Variants in ULK4 observed in about 807,000 individuals in gnomAD.
ULK4 encodes unc-51 like kinase 4, also known as inactive serine/threonine-protein kinase ULK4.
ULK4 carries 133 observed loss-of-function variants against 160.6 expected under a neutral mutation model. The ratio of observed to expected loss-of-function variants is 0.83; its 90% CI spans 0.72 to 0.96. ULK4 has a LOEUF of 0.96. ULK4 is among the 40% of genes least tolerant of loss of function. The pLI is 0.00. For missense variants in ULK4, 1,580 were observed against 1,499.5 expected (o/e 1.05, Z -0.89); for synonymous variants, 534 against 539.8 (o/e 0.99, Z 0.15).
At chr3:41,394,793 T>C (rs2082022636) in intron 35 of ULK4, among the ~76,000 whole-genome samples, 1 of 152,086 alleles carries the variant, frequency 6.6e-6, no homozygotes, top group Non-Finnish European at 1.5e-5. Flanking sequence ...TCTGATTGTA[T>C]GTTTTATATG....
Position 41,717,975 on chromosome 3 carries a change from C to T in ULK4, c.2322-114G>A, listed in dbSNP as rs551233990. ...GAGGGCACCCTCCCAATCATATTGA[C>T]GTTTAGATTTGTAGCAACTTGTCGG... On this transcript the variant is annotated intron_variant, in intron 22 of 36. Coordinates refer to ENST00000301831, the MANE Select transcript of ULK4 (RefSeq NM_017886.4). 3.8e-4 allele frequency: 472 copies of T among 1,254,554 alleles called. 1 individual carries two copies. Among genetic ancestry groups the T allele is most frequent in the Admixed American group, 6.7e-4 (30 of 44,658 alleles). The allele number at this position is 1,254,554 out of a possible 1,614,324, so 77.7% of individuals were successfully genotyped here.
chr3:41,798,383 T>C (rs1203965121), intron 20 of ULK4, among the ~76,000 whole-genome samples: 1 of 152,208 alleles, frequency 6.6e-6, no homozygotes, highest in Non-Finnish European at 1.5e-5. Flanking sequence ...CCTGTAATTA[T>C]TAATACCATA....
At chr3:41,628,840 T>C (rs1417545585) in intron 30 of ULK4, among the ~76,000 whole-genome samples, 1 of 152,220 alleles carries the variant, frequency 6.6e-6, no homozygotes, top group Non-Finnish European at 1.5e-5. Flanking sequence ...TTTGTACTAC[T>C]TTGACTCTGT....
chr3:41,637,253 CA>C (rs2033995871), intron 30 of ULK4, among the ~76,000 whole-genome samples: 1 of 152,164 alleles, frequency 6.6e-6, no homozygotes, highest in Non-Finnish European at 1.5e-5. Flanking sequence ...ACTTCTGAGT[CA>C]AAATTTTTAC....
intron 2 of ULK4, among the ~76,000 whole-genome samples, chr3:41,944,512 C>A (rs1023510685): frequency 8.5e-5 from 13 of 152,158 alleles, no homozygotes; most frequent in African/African-American, 3.1e-4. Context: ...CCTCCTGTCT[C>A]CATCCAGTTA....
At chr3:41,345,577 G>A (rs1247430375) in intron 35 of ULK4, among the ~76,000 whole-genome samples, 1 of 152,150 alleles carries the variant, frequency 6.6e-6, no homozygotes, top group Non-Finnish European at 1.5e-5. Flanking sequence ...TGAATGATGA[G>A]AACATATGGA....
chr3:41,858,911 G>A lies in ULK4; in HGVS notation c.1657-22940C>T, dbSNP rs969782749. ...ATACAGTAAGGTGTAATTCTGTTGAGACAGCTCTTCCCTCTGAAAATGCTC... is the reference window on the plus strand; with the variant it reads ...ATACAGTAAGGTGTAATTCTGTTGAAACAGCTCTTCCCTCTGAAAATGCTC... On this transcript the variant is annotated intron_variant, in intron 17 of 36. Coordinates refer to ENST00000301831, the MANE Select transcript of ULK4 (RefSeq NM_017886.4). 5.3e-5 allele frequency among the ~76,000 whole-genome samples: 8 copies of A among 152,188 alleles called. No individual in the cohort carries two copies. The South Asian group carries it at 1.7e-3, about 32-fold the overall frequency.
At chr3:41,916,942 AG>A (rs1190323638) in intron 7 of ULK4, among the ~76,000 whole-genome samples, 1 of 152,062 alleles carries the variant, frequency 6.6e-6, no homozygotes, top group Non-Finnish European at 1.5e-5. Flanking sequence ...TCTTGACCTC[AG>A]GTGATCCACC....
chr3:41,326,872 G>A lies in ULK4; in HGVS notation c.3678+71207C>T, dbSNP rs536080364. 9.3e-4 allele frequency among the ~76,000 whole-genome samples: 142 copies of A among 152,276 alleles called. 3 individuals carry two copies. The South Asian group carries it at 0.028, about 30-fold the overall frequency. On this transcript the variant is annotated intron_variant, in intron 35 of 36. Transcript: ENST00000301831. Reference sequence around the variant, plus strand: ...AGCAATCAGAGGGACCCCCGACTCAGCAGCCAGATTCCCTTTTCATCCCAT... The same window carrying A: ...AGCAATCAGAGGGACCCCCGACTCAACAGCCAGATTCCCTTTTCATCCCAT...
At chr3:41,787,837 G>A (rs1253242890) in intron 21 of ULK4, among the ~76,000 whole-genome samples, 6 of 152,078 alleles carry the variant, frequency 3.9e-5, no homozygotes, top group Non-Finnish European at 8.8e-5. Context: ...TGGAATAGTA[G>A]TTATATATGA....
At chr3:41,893,358 T>C (rs1340562045) in intron 16 of ULK4, among the ~76,000 whole-genome samples, 14 of 152,214 alleles carry the variant, frequency 9.2e-5, no homozygotes, top group Admixed American at 9.2e-4. Context: ...TATATGTGAA[T>C]TATACCTCAA....
intron 32 of ULK4, among the ~76,000 whole-genome samples, chr3:41,468,596 A>G (rs74518340): frequency 0.02 from 3,077 of 152,298 alleles, 110 homozygotes; most frequent in African/African-American, 0.071. Context: ...AAATCCTCCA[A>G]AATTGGGAAT....
chr3:41,283,965 AAAATAAAT>A (rs58834032), intron 35 of ULK4, among the ~76,000 whole-genome samples: 1 of 150,330 alleles, frequency 6.7e-6, no homozygotes, highest in African/African-American at 2.5e-5. Flanking sequence ...ATAGCTGCCA[AAAATAAAT>A]AAATAAATAA....
intron 27 of ULK4, among the ~76,000 whole-genome samples, chr3:41,703,376 A>G (rs182003470): frequency 4.0e-4 from 61 of 152,286 alleles, no homozygotes; most frequent in African/African-American, 1.2e-3. Context: ...AGAAATCAAT[A>G]TACAAAGATA....
chr3:41,841,370 G>A (rs143210593), intron 17 of ULK4, among the ~76,000 whole-genome samples: 6,784 of 147,172 alleles, frequency 0.046, 307 homozygotes, highest in African/African-American at 0.11. Context: ...AGTGAGGAGC[G>A]CCTCTGCCCG....
intron 18 of ULK4, among the ~76,000 whole-genome samples, chr3:41,832,541 T>C (rs988494655): frequency 6.6e-6 from 1 of 152,270 alleles, no homozygotes; most frequent in Non-Finnish European, 1.5e-5. Context: ...CTCTTTAGTT[T>C]AATTAGATCC....
chr3:41,732,045 G>C (rs1446462121), intron 22 of ULK4, among the ~76,000 whole-genome samples: 2 of 152,026 alleles, frequency 1.3e-5, no homozygotes, highest in African/African-American at 2.4e-5. Context: ...AGAATACATA[G>C]GGAAACTGCT....
intron 9 of ULK4, among the ~76,000 whole-genome samples, chr3:41,912,024 A>T (rs555778389): frequency 1.3e-5 from 2 of 152,140 alleles, no homozygotes; most frequent in East Asian, 3.9e-4. Context: ...TAATTTAAAA[A>T]AAAAAAAGAT....
intron 27 of ULK4, among the ~76,000 whole-genome samples, chr3:41,701,309 C>A (rs1217328843): frequency 1.3e-5 from 2 of 152,132 alleles, no homozygotes; most frequent in Non-Finnish European, 1.5e-5. Context: ...ATCTACACCA[C>A]CTCCCCCAAA....
Sources: allele counts gnomAD v4.1 joint callset (sites outside exome capture counted in the v4.1 genomes callset), GRCh38; gene constraint gnomAD v4.1.1; transcripts MANE v1.5; gene names NCBI Gene and HGNC (gene_info 2026-07-23, HGNC 2026-07-21).